Variants in GARNL3 observed in about 807,000 individuals in gnomAD.
GARNL3 encodes the protein GTPase activating Rap/RanGAP domain like 3.
A neutral mutation model predicts 125.0 loss-of-function variants in GARNL3; 63 were observed. The ratio of observed to expected loss-of-function variants is 0.50; its 90% CI spans 0.41 to 0.62. The LOEUF is 0.62. Among genes scored for constraint, GARNL3 ranks in the 20% least tolerant of loss-of-function variants. The pLI, the probability that GARNL3 is intolerant of heterozygous loss-of-function variation, is 0.00. For synonymous variants in GARNL3, 439 were observed against 457.5 expected, an observed-to-expected ratio of 0.96 and a Z score of 0.52; for missense variants, 994 against 1,244.0, an observed-to-expected ratio of 0.80 and a Z score of 3.02.
chr9:127,286,133 C>T (rs949795535), intron 1 of GARNL3, among the ~76,000 whole-genome samples: 23 of 152,306 alleles, frequency 1.5e-4, no homozygotes, highest in African/African-American at 5.5e-4. Context: ...GCTATATTTG[C>T]AAAGGTCAGA....
At chr9:127,383,728 C>T (rs986484255) in intron 23 of GARNL3, among the ~76,000 whole-genome samples, 183 bp downstream of exon 23, 2 of 152,146 alleles carry the variant, frequency 1.3e-5, no homozygotes, top group African/African-American at 2.4e-5. Context: ...TTGGGACTAT[C>T]GTCTTCTACT....
chr9:127,225,807 G>GCGGCCCCCT (rs1564831693), intron 1 of GARNL3, among the ~76,000 whole-genome samples: 2 of 1,266 alleles, frequency 1.6e-3, no homozygotes, highest in Non-Finnish European at 4.3e-3. Context: ...CGCGGCCCCC[G>GCGGCCCCCT]CGCCCCTCGC....
At chr9:127,341,223 T>C (rs1829843945) in intron 13 of GARNL3, among the ~76,000 whole-genome samples, 1 of 152,162 alleles carries the variant, frequency 6.6e-6, no homozygotes. Context: ...TGATTTTGTC[T>C]CTCCCTTTCC....
intron 3 of GARNL3, 122 bp from the exon 4 acceptor site, chr9:127,313,319 G>A: frequency 1.3e-6 from 1 of 750,418 alleles, no homozygotes; most frequent in Non-Finnish European, 2.4e-6. Flanking sequence ...ATCCCAAGCT[G>A]GCTTTGGGAT....
chr9:127,340,021 C>G (rs770158587), intron 13 of GARNL3, among the ~76,000 whole-genome samples: 4 of 152,080 alleles, frequency 2.6e-5, no homozygotes, highest in Non-Finnish European at 1.5e-5. Context: ...CCTTTCTGCC[C>G]TGTGTTCTGA....
intron 1 of GARNL3, among the ~76,000 whole-genome samples, chr9:127,281,730 T>C (rs1204609810): frequency 6.6e-6 from 1 of 152,246 alleles, no homozygotes; most frequent in Non-Finnish European, 1.5e-5. Context: ...AGTGAGGGGA[T>C]GGCTCATTCT....
At chr9:127,373,571 C>T (rs1831720400) in intron 22 of GARNL3, among the ~76,000 whole-genome samples, 1 of 151,788 alleles carries the variant, frequency 6.6e-6, no homozygotes. Flanking sequence ...TCAAAACCAG[C>T]CTGAGCAATA....
chr9:127,311,250 A>G (rs1356187554), intron 2 of GARNL3, among the ~76,000 whole-genome samples: 2 of 149,204 alleles, frequency 1.3e-5, no homozygotes, highest in Admixed American at 6.7e-5. Flanking sequence ...AAAAAAACAG[A>G]AAAAACCTAC....
upstream of GARNL3, among the ~76,000 whole-genome samples, chr9:127,261,016 G>A (rs2063577795): frequency 6.6e-6 from 1 of 152,158 alleles, no homozygotes; most frequent in Non-Finnish European, 1.5e-5. Flanking sequence ...AGCACTTTGG[G>A]AGGTTGAGGC....
chr9:127,354,343 C>T lies in GARNL3; in HGVS notation c.1692C>T (p.Gly564=). ...FVFRLSALQK[G]LEGKQAGKSR... is the part of the protein sequence containing the mutation. ...TCAGGCTAAGTGCTCTGCAAAAGGGCCTTGAGGGGAAGCAGGCTGGGAAGA... is the reference window on the plus strand; with the variant it reads ...TCAGGCTAAGTGCTCTGCAAAAGGGTCTTGAGGGGAAGCAGGCTGGGAAGA... The change falls in exon 19 of 28, where the codon GGC becomes GGT. Residue 564 remains glycine (G), a synonymous_variant. Transcript: ENST00000373387. The T allele has an allele frequency of 4.3e-6, 7 of 1,613,876 alleles. No homozygotes were observed. Among genetic ancestry groups the T allele is most frequent in the Non-Finnish European group, 5.9e-6 (7 of 1,179,888 alleles).
intron 1 of GARNL3, among the ~76,000 whole-genome samples, chr9:127,235,763 G>A (rs1168982731): frequency 6.6e-6 from 1 of 152,100 alleles, no homozygotes; most frequent in East Asian, 1.9e-4. Context: ...GTCCATTGGT[G>A]GCCTTTGACA....
chr9:127,240,582 A>T (rs965993179), intron 1 of GARNL3, among the ~76,000 whole-genome samples: 14 of 152,322 alleles, frequency 9.2e-5, no homozygotes, highest in African/African-American at 3.4e-4. Flanking sequence ...ATGTGACTTT[A>T]CATTTTCTAG....
chr9:127,318,457 G>A (rs1279800557), intron 5 of GARNL3, among the ~76,000 whole-genome samples: 1 of 152,170 alleles, frequency 6.6e-6, no homozygotes, highest in African/African-American at 2.4e-5. Flanking sequence ...TCTCCTTACT[G>A]CATTAGTTGC....
At chr9:127,377,517 T>G (rs1195129582) in intron 22 of GARNL3, among the ~76,000 whole-genome samples, 2 of 151,976 alleles carry the variant, frequency 1.3e-5, no homozygotes, top group Non-Finnish European at 2.9e-5. Context: ...CCAGGAGGGG[T>G]GGCTCACACC....
chr9:127,361,679 C>G (rs1382316796), intron 21 of GARNL3: 1 of 151,880 alleles, frequency 6.6e-6, no homozygotes. Flanking sequence ...GGGGCTGAAG[C>G]CTGCCACCAC....
chr9:127,278,258 T>A (rs2064009786), intron 1 of GARNL3, among the ~76,000 whole-genome samples: 1 of 152,222 alleles, frequency 6.6e-6, no homozygotes, highest in Non-Finnish European at 1.5e-5. Flanking sequence ...ATTTAGTAAT[T>A]AAATTTGTAT....
intron 2 of GARNL3, among the ~76,000 whole-genome samples, chr9:127,304,592 G>A (rs1380940103): frequency 1.5e-5 from 2 of 131,218 alleles, no homozygotes; most frequent in African/African-American, 5.6e-5. Flanking sequence ...CTGGAGTGCA[G>A]TGGTGTGATC....
chr9:127,367,475 T>C lies in GARNL3; in HGVS notation c.2161+2109T>C, dbSNP rs1831345635. 12 of 152,364 alleles carry C rather than the reference T, an allele frequency of 7.9e-5. No homozygotes were observed. The South Asian group carries it at 2.5e-3, about 32-fold the overall frequency. The allele number at this position is 152,364 out of a possible 1,614,324, so 9.4% of individuals were successfully genotyped here. A position where few individuals can be genotyped will look rare whatever the true frequency, so the allele number is the denominator to read the frequency against. ...TAATGGAGATTGCAACTTTCAGTTATGTGTTATTTGAAAAAAATATATATT... is the reference window on the plus strand; with the variant it reads ...TAATGGAGATTGCAACTTTCAGTTACGTGTTATTTGAAAAAAATATATATT... On this transcript the variant is annotated intron_variant, in intron 22 of 27. Coordinates refer to ENST00000373387, the MANE Select transcript of GARNL3 (RefSeq NM_032293.5).
rs1186332437 is a variant in GARNL3, at chr9:127,385,269, G to C, written c.2388+124G>C. The C allele has an allele frequency of 1.8e-6, 1 of 552,136 alleles. No individual in the cohort carries two copies. Among genetic ancestry groups the C allele is most frequent in the Non-Finnish European group, 3.2e-6 (1 of 307,996 alleles). 34.2% of individuals were successfully genotyped at this position (552,136 alleles called of 1,614,324 possible). A position where few individuals can be genotyped will look rare whatever the true frequency, so the allele number is the denominator to read the frequency against. On this transcript the variant is annotated intron_variant, in intron 24 of 27. Coordinates refer to ENST00000373387, the MANE Select transcript of GARNL3 (RefSeq NM_032293.5). This position sits in a 1 kb window ranked among gnomAD's most constrained non-coding sequence, Gnocchi z 4.1. ...GATGAAGACCGGTGTCAGAATGCCAGCACGAGATGGAAAGCCTGAAACCAG... is the reference window on the plus strand; with the variant it reads ...GATGAAGACCGGTGTCAGAATGCCACCACGAGATGGAAAGCCTGAAACCAG...
Sources: gnomAD v4.1 joint callset for allele counts (sites outside exome capture counted in the v4.1 genomes callset) on GRCh38, gnomAD v4.1.1 for gene constraint, Gnocchi (gnomAD v3.1) non-coding constraint, MANE v1.5 for transcripts, NCBI Gene and HGNC (gene_info 2026-07-23, HGNC 2026-07-21) for gene names.